Variants in KIF3C observed in about 807,000 individuals in gnomAD.
KIF3C encodes the protein kinesin family member 3C.
In KIF3C, 12 loss-of-function variants were observed where a neutral mutation model predicts 67.7. That is an observed-to-expected ratio of 0.18 (90% CI 0.11 to 0.29). The LOEUF (loss-of-function observed/expected upper bound fraction) is 0.29. Among genes scored for constraint, KIF3C ranks in the 10% least tolerant of loss-of-function variants. The pLI is 1.00. For missense variants in KIF3C, 789 were observed against 1,059.6 expected (o/e 0.74, Z 3.55); for synonymous variants, 393 against 426.2 (o/e 0.92, Z 0.96).
chr2:25,956,358 C>G lies in KIF3C; in HGVS notation c.1632G>C (p.Gln544His). ...GAGGCCCTACCTGCTCGGCAATCTC[C>G]TGCCTCTTCAGTTCCAACATCTTCT... ...EQQKMLELKR[Q>H]EIAEQKRRER... Residue 544 changes from glutamine to histidine, a missense_variant, in exon 2 of 8, where the codon CAG becomes CAC. Gln to His is a conservative substitution (Grantham distance 24, BLOSUM62 0). This residue lies in a region of KIF3C where 648 missense variants were observed against 807.8 expected (regional missense o/e 0.80). Transcript: ENST00000264712. 6.2e-7 allele frequency: 1 copy of G among 1,614,106 alleles called. No individual in the cohort carries two copies. The highest frequency in any genetic ancestry group is 1.1e-5 in the South Asian group (1 of 91,086).
chr2:25,961,127 A>G (rs1451922542), intron 1 of KIF3C, among the ~76,000 whole-genome samples: 1 of 152,188 alleles, frequency 6.6e-6, no homozygotes, highest in Non-Finnish European at 1.5e-5. Flanking sequence ...GTTCTTTCAG[A>G]ATGGGACGGA....
intron 1 of KIF3C, among the ~76,000 whole-genome samples, chr2:25,972,345 T>C (rs934200889): frequency 4.6e-5 from 7 of 152,128 alleles, no homozygotes; most frequent in African/African-American, 1.7e-4. Flanking sequence ...GAATCTCATA[T>C]GGAAATCCAT....
At position 25,928,863 on chromosome 2, in the gene KIF3C, ACACGCACACGCACATG is replaced by A. The variant is rs762875412; in HGVS notation, c.*99_*114del. The A allele has an allele frequency of 4.6e-5, 36 of 782,668 alleles. No individual in the cohort carries two copies. The highest frequency in any genetic ancestry group is 2.4e-4 in the African/African-American group (14 of 58,182). 48.5% of individuals were successfully genotyped at this position (782,668 alleles called of 1,614,324 possible). ...ATCTGCCAGATTCTCACCCCTGCAC[ACACGCACACGCACATG>A]CACGCACACGCACACGCACCAAGCG... is the stretch of plus-strand genomic sequence containing the variant. On this transcript the variant is annotated 3_prime_UTR_variant, in exon 8 of 8. Transcript: ENST00000264712.
At chr2:25,967,339 T>C (rs1465452714) in intron 1 of KIF3C, among the ~76,000 whole-genome samples, 2 of 152,028 alleles carry the variant, frequency 1.3e-5, no homozygotes, top group African/African-American at 4.8e-5. Context: ...CCTGCACAAG[T>C]TCTGTGGTGG....
chr2:25,952,058 A>C, intron 4 of KIF3C, 153 bp from the exon 5 acceptor site: 1 of 589,926 alleles, frequency 1.7e-6, no homozygotes, highest in Non-Finnish European at 3.1e-6. Flanking sequence ...TTGGGAGACC[A>C]AGGCGGGCGG....
intron 5 of KIF3C, among the ~76,000 whole-genome samples, chr2:25,943,969 A>G (rs1663360278): frequency 6.6e-6 from 1 of 152,174 alleles, no homozygotes; most frequent in African/African-American, 2.4e-5. Context: ...CAGTCATCAG[A>G]CATAGCAAAG....
At chr2:25,957,807 A>G (rs1430671338) in intron 1 of KIF3C, among the ~76,000 whole-genome samples, 8 of 152,220 alleles carry the variant, frequency 5.3e-5, no homozygotes, top group African/African-American at 1.7e-4. Context: ...CCAGAGAGGC[A>G]CGAGCTTCAT....
chr2:25,944,432 C>T (rs1663374733), intron 5 of KIF3C, among the ~76,000 whole-genome samples: 2 of 150,448 alleles, frequency 1.3e-5, no homozygotes, highest in Non-Finnish European at 2.9e-5. Context: ...CTCAGTGAAG[C>T]CTCAACCTCC....
At chr2:25,957,186 C>T (rs34803351) in intron 1 of KIF3C, among the ~76,000 whole-genome samples, 5 of 152,056 alleles carry the variant, frequency 3.3e-5, no homozygotes, top group East Asian at 3.8e-4. Context: ...TCCATCCCCC[C>T]CTAAGAGGGA....
Position 25,981,854 on chromosome 2 carries a change from T to C in KIF3C, c.64A>G (p.Arg22Gly), listed in dbSNP as rs1193112020. 1.7e-5 allele frequency: 28 copies of C among 1,603,722 alleles called. No individual in the cohort carries two copies. Among genetic ancestry groups the C allele is most frequent in the Non-Finnish European group, 2.4e-5 (28 of 1,174,790 alleles). ...TCGTGACCAGCAGCCTCCTCCTTCC[T>C]GCTGAGGGGGCGGCACCGGGCCACC... is the stretch of plus-strand genomic sequence containing the variant. ...KVVARCRPLS[R>G]KEEAAGHEQI... Residue 22 changes from arginine to glycine, a missense_variant, in exon 1 of 8, where the codon AGG becomes GGG. Physicochemically the swap from Arg to Gly is moderately radical, Grantham distance 125. Transcript: ENST00000264712. This position sits in a 1 kb window ranked among gnomAD's most constrained non-coding sequence, Gnocchi z 8.2.
rs891421552 is a variant in KIF3C at position 25,927,003 on chromosome 2, G to C, written c.*1975C>G. 2 of 152,556 alleles carry C rather than the reference G, an allele frequency of 1.3e-5. No individual in the cohort carries two copies. Among genetic ancestry groups the C allele is most frequent in the African/African-American group, 2.4e-5 (1 of 41,420 alleles). 9.5% of individuals were successfully genotyped at this position (152,556 alleles called of 1,614,324 possible). On this transcript the variant is annotated 3_prime_UTR_variant, in exon 8 of 8. Transcript: ENST00000264712. Reference sequence around the variant, plus strand: ...CCCAGCAGATCTTACACTGAGTGTAGAGTGTCCCCTGTGGAGGTAAACACG... The same window carrying C: ...CCCAGCAGATCTTACACTGAGTGTACAGTGTCCCCTGTGGAGGTAAACACG...
At chr2:25,961,509 C>T (rs144595711) in intron 1 of KIF3C, among the ~76,000 whole-genome samples, 1,567 of 152,234 alleles carry the variant, frequency 0.01, 16 homozygotes, top group Admixed American at 0.014. Context: ...GAAAAGGAAT[C>T]CTAACTCTAC....
In KIF3C at chr2:25,982,439, G is replaced by C. The variant is rs1327749717; in HGVS notation, c.-522C>G. ...ATCATTCATTGCAGCCAGCGCGGCTGCTGCTGCCTCTGCCTCCGCCTTCCC... is the reference window on the plus strand; with the variant it reads ...ATCATTCATTGCAGCCAGCGCGGCTCCTGCTGCCTCTGCCTCCGCCTTCCC... On this transcript the variant is annotated 5_prime_UTR_variant, in exon 1 of 8. Transcript: ENST00000264712. 1.0e-5 allele frequency: 4 copies of C among 398,618 alleles called. No homozygotes were observed. The highest frequency in any genetic ancestry group is 1.8e-5 in the Non-Finnish European group (4 of 226,192). The allele number at this position is 398,618 out of a possible 1,614,324, so 24.7% of individuals were successfully genotyped here. A position where few individuals can be genotyped will look rare whatever the true frequency, so the allele number is the denominator to read the frequency against.
intron 1 of KIF3C, among the ~76,000 whole-genome samples, chr2:25,962,612 G>C (rs1419440692): frequency 6.7e-6 from 1 of 148,474 alleles, no homozygotes; most frequent in Non-Finnish European, 1.5e-5. Flanking sequence ...CCCGACCTAT[G>C]GTGATCCACC....
intron 4 of KIF3C, among the ~76,000 whole-genome samples, chr2:25,953,814 C>T (rs555913931): frequency 6.6e-5 from 10 of 151,700 alleles, no homozygotes; most frequent in South Asian, 2.1e-4. Flanking sequence ...ATTACAAGTG[C>T]GCGCCACCAT....
Position 25,954,258 on chromosome 2 carries a change from G to A in KIF3C, c.1889+9C>T, listed in dbSNP as rs1180893286. On this transcript the variant is annotated intron_variant, in intron 4 of 7. Transcript: ENST00000264712. ...GGGGACCCGGGATGAAAAGAGCTGC[G>A]GGCCCTACTTGAGCTTGAGTTCGCG... 1 of 1,603,218 alleles carries A rather than the reference G, an allele frequency of 6.2e-7. No homozygotes were observed. The highest frequency in any genetic ancestry group is 8.5e-7 in the Non-Finnish European group (1 of 1,170,086).
chr2:25,981,940 C>T lies in KIF3C; in HGVS notation c.-23G>A, dbSNP rs1465553791. The T allele has an allele frequency of 1.3e-6, 2 of 1,508,944 alleles. No homozygotes were observed. Among genetic ancestry groups the T allele is most frequent in the Non-Finnish European group, 1.8e-6 (2 of 1,133,136 alleles). The allele number at this position is 1,508,944 out of a possible 1,614,324, so 93.5% of individuals were successfully genotyped here. A position where few individuals can be genotyped will look rare whatever the true frequency, so the allele number is the denominator to read the frequency against. On this transcript the variant is annotated 5_prime_UTR_variant, in exon 1 of 8. Transcript: ENST00000264712. This position sits in a 1 kb window ranked among gnomAD's most constrained non-coding sequence, Gnocchi z 8.2. ...CATCTTGCTGCTCTGACCTTCCTGC[C>T]CCCGAGCCCCTCCGCAGCCTGGGCG...
chr2:25,929,490 T>C lies in KIF3C; in HGVS notation c.2116-13A>G, dbSNP rs376571929. On this transcript the variant is annotated splice_polypyrimidine_tract_variant and intron_variant, in intron 6 of 7. Coordinates refer to ENST00000264712, the MANE Select transcript of KIF3C (RefSeq NM_002254.8). The stretch of plus-strand genomic sequence containing the variant: ...TTATGTTTTCAGCCTGTGGTGGGAA[T>C]ATCATGCCAGGCTTGAACAGTGCCC... 1 of 1,612,666 alleles carries C rather than the reference T, an allele frequency of 6.2e-7. No individual in the cohort carries two copies. The highest frequency in any genetic ancestry group is 8.5e-7 in the Non-Finnish European group (1 of 1,179,212).
intron 1 of KIF3C, among the ~76,000 whole-genome samples, chr2:25,978,557 A>C (rs964619941): frequency 2.6e-5 from 4 of 152,006 alleles, no homozygotes; most frequent in African/African-American, 9.7e-5. Context: ...CTGGTGCAAG[A>C]ATTCTGGTGC....
Sources: allele counts gnomAD v4.1 joint callset (sites outside exome capture counted in the v4.1 genomes callset), GRCh38; gene constraint gnomAD v4.1.1; regional missense constraint gnomAD v4.1.1; non-coding constraint Gnocchi (gnomAD v3.1); transcripts MANE v1.5; gene names NCBI Gene and HGNC (gene_info 2026-07-23, HGNC 2026-07-21).